The following BMP6 variants were observed in gnomAD, a reference collection of about 807,000 sequenced individuals.
The protein encoded by BMP6 is bone morphogenetic protein 6.
Under a neutral mutation model 54.1 loss-of-function variants are expected in BMP6, and 17 were observed. That is an observed-to-expected ratio of 0.31 (90% CI 0.22 to 0.47). BMP6 has a LOEUF of 0.47. Ranked by LOEUF, BMP6 falls within the 20% of genes least tolerant of loss-of-function variation. BMP6 has a pLI of 1.00. For missense variants in BMP6, 720 were observed against 690.4 expected, an observed-to-expected ratio of 1.04 and a Z score of -0.48; for synonymous variants, 328 against 291.2, an observed-to-expected ratio of 1.13 and a Z score of -1.28.
intron 1 of BMP6, among the ~76,000 whole-genome samples, chr6:7,788,483 G>A (rs1388019606): frequency 2.6e-5 from 4 of 152,130 alleles, no homozygotes; most frequent in African/African-American, 4.8e-5. Flanking sequence ...AACAACGGGG[G>A]ACCCCTCTGT....
intron 1 of BMP6, among the ~76,000 whole-genome samples, chr6:7,822,897 T>TTG (rs56161444): frequency 0.16 from 19,412 of 120,896 alleles, 1,280 homozygotes; most frequent in African/African-American, 0.19. Context: ...TTGGTGCTGG[T>TTG]TGTGTGTGTG....
intron 1 of BMP6, among the ~76,000 whole-genome samples, chr6:7,830,823 G>T (rs13204523): frequency 0.069 from 10,436 of 151,364 alleles, 649 homozygotes; most frequent in African/African-American, 0.17. Flanking sequence ...CCACCCCCAC[G>T]ATTCAACTGT....
At chr6:7,743,579 C>T (rs1028605185) in intron 1 of BMP6, among the ~76,000 whole-genome samples, 12 of 152,170 alleles carry the variant, frequency 7.9e-5, no homozygotes, top group Admixed American at 2.6e-4. Context: ...CATGCATGCT[C>T]TCCCTCCCTC....
chr6:7,825,274 A>G (rs1758677371), intron 1 of BMP6, among the ~76,000 whole-genome samples: 1 of 152,226 alleles, frequency 6.6e-6, no homozygotes, highest in South Asian at 2.1e-4. Flanking sequence ...GCAAGACCCT[A>G]TCTCTAAAAG....
intron 1 of BMP6, among the ~76,000 whole-genome samples, chr6:7,763,040 T>G (rs1757638403): frequency 6.6e-6 from 1 of 152,250 alleles, no homozygotes. Flanking sequence ...TAAACTCCTA[T>G]GCGCCTTTGC....
chr6:7,836,873 C>T lies in BMP6; in HGVS notation c.665-8267C>T, dbSNP rs146964809. On this transcript the variant is annotated intron_variant, in intron 1 of 6. Coordinates refer to ENST00000283147, the MANE Select transcript of BMP6 (RefSeq NM_001718.6). ...AACATGAAAGTCAAAAGGCCGCTGT[C>T]GTTACAACCCTTGGAAGTCCAGCCA... is the stretch of plus-strand genomic sequence containing the variant. Among the ~76,000 whole-genome samples, 253 of 152,314 alleles carry T rather than the reference C, an allele frequency of 1.7e-3. 1 individual carries two copies. The highest frequency in any genetic ancestry group is 5.3e-3 in the African/African-American group (220 of 41,576).
chr6:7,878,604 T>G (rs1418072692), intron 4 of BMP6, among the ~76,000 whole-genome samples: 1 of 152,202 alleles, frequency 6.6e-6, no homozygotes, highest in Non-Finnish European at 1.5e-5. Flanking sequence ...ACTCCACCAT[T>G]ACTCTTCCTT....
chr6:7,727,074 G>A lies in BMP6; in HGVS notation c.119G>A (p.Gly40Glu), dbSNP rs2113094442. The change falls in exon 1 of 7, where the codon GGG becomes GAG. Residue 40 changes from glycine (G) to glutamate (E), a missense_variant. Transcript: ENST00000283147. The stretch of plus-strand genomic sequence containing the variant: ...CCCGCTGCCGCGGCCGCCGCCGCCG[G>A]GGGGCAGCTGCTGGGGGACGGCGGG... Reference protein sequence around the residue: ...PLPAAAAAAAGGQLLGDGGSP... With the variant: ...PLPAAAAAAAEGQLLGDGGSP... 8.0e-7 allele frequency: 1 copy of A among 1,244,260 alleles called. No individual in the cohort carries two copies. Among genetic ancestry groups the A allele is most frequent in the African/African-American group, 1.6e-5 (1 of 63,774 alleles). 77.1% of individuals were successfully genotyped at this position (1,244,260 alleles called of 1,614,324 possible).
intron 1 of BMP6, among the ~76,000 whole-genome samples, chr6:7,758,866 A>G (rs549138681): frequency 6.6e-6 from 1 of 152,170 alleles, no homozygotes; most frequent in Non-Finnish European, 1.5e-5. Flanking sequence ...TCCCTTGTCC[A>G]CGGATGCATT....
At chr6:7,794,315 G>A (rs1336030084) in intron 1 of BMP6, among the ~76,000 whole-genome samples, 2 of 152,152 alleles carry the variant, frequency 1.3e-5, no homozygotes, top group East Asian at 3.8e-4. Context: ...ATGTCTAGTA[G>A]CCCAAATAGA....
intron 2 of BMP6, among the ~76,000 whole-genome samples, chr6:7,846,909 T>C (rs1470929068): frequency 6.6e-6 from 1 of 152,216 alleles, no homozygotes; most frequent in African/African-American, 2.4e-5. Context: ...CTGGTATCTT[T>C]TTGGCTCAGA....
intron 1 of BMP6, among the ~76,000 whole-genome samples, chr6:7,779,499 C>T (rs984226527): frequency 3.9e-5 from 6 of 151,988 alleles, no homozygotes; most frequent in Non-Finnish European, 8.8e-5. Flanking sequence ...CCACCACGCC[C>T]AGGCTAATTT....
In BMP6 at chr6:7,727,596, T is replaced by C. The variant is rs763240116; in HGVS notation, c.641T>C (p.Met214Thr). The stretch of plus-strand genomic sequence containing the variant: ...AGCGCCTTCCTCAACGACGCGGACA[T>C]GGTCATGAGCTTTGTGAACCTGGGT... ...QDSAFLNDAD[M>T]VMSFVNLVEY... Residue 214 changes from methionine to threonine, a missense_variant, in exon 1 of 7, where the codon ATG (methionine) becomes ACG (threonine). Around this residue, in one of 3 missense-constraint regions of BMP6, gnomAD observed 650 missense variants for 556.3 expected, o/e 1.17. Transcript: ENST00000283147. 1 of 1,576,324 alleles carries C rather than the reference T, an allele frequency of 6.3e-7. No individual in the cohort carries two copies.
rs944617183 is a variant in BMP6 at position 7,879,064 on chromosome 6, C to A, written c.1205-10C>A. On this transcript the variant is annotated splice_polypyrimidine_tract_variant and intron_variant, in intron 4 of 6. Transcript: ENST00000283147. ...TTTTGATGGGTGCATCTTTTGATCT[C>A]CTCCAACAGATTACAACAGCAGTGA... 8.1e-6 allele frequency: 13 copies of A among 1,612,834 alleles called. No individual in the cohort carries two copies. The highest frequency in any genetic ancestry group is 1.7e-4 in the Middle Eastern group (1 of 6,054).
intron 1 of BMP6, among the ~76,000 whole-genome samples, chr6:7,818,887 C>T (rs1034002048): frequency 6.6e-6 from 1 of 152,136 alleles, no homozygotes; most frequent in African/African-American, 2.4e-5. Flanking sequence ...CTTTTTGAGC[C>T]AATGATTGCA....
At chr6:7,835,399 A>G (rs1390079735) in intron 1 of BMP6, among the ~76,000 whole-genome samples, 1 of 152,148 alleles carries the variant, frequency 6.6e-6, no homozygotes, top group Non-Finnish European at 1.5e-5. Flanking sequence ...GTGCCCGGCC[A>G]GGAATGCTGA....
chr6:7,866,613 G>A (rs1285285183), intron 4 of BMP6, among the ~76,000 whole-genome samples: 6 of 152,184 alleles, frequency 3.9e-5, no homozygotes, highest in African/African-American at 1.4e-4. Flanking sequence ...AGCAATTTCA[G>A]GTCAGCTGGT....
chr6:7,873,542 G>T (rs1345401110), intron 4 of BMP6, among the ~76,000 whole-genome samples: 4 of 152,094 alleles, frequency 2.6e-5, no homozygotes, highest in Non-Finnish European at 5.9e-5. Context: ...CTGCACAATT[G>T]AATCATTGGT....
At position 7,799,800 on chromosome 6, in the gene BMP6, AAAAC is replaced by A. The variant is rs199517400; in HGVS notation, c.665-45339_665-45336del. On this transcript the variant is annotated intron_variant, in intron 1 of 6. Transcript: ENST00000283147. ...AAAAGCATATTATCATAGAGTCTTTAAAACTTGAAAGGATTTTGATTTTATTCTC... is the reference window on the plus strand; with the variant it reads ...AAAAGCATATTATCATAGAGTCTTTATTGAAAGGATTTTGATTTTATTCTC... Among the ~76,000 whole-genome samples the A allele has an allele frequency of 9.9e-5, 15 of 151,900 alleles. No individual in the cohort carries two copies. In the East Asian group the frequency reaches 2.7e-3, roughly 27 times the overall value.
Sources: allele counts gnomAD v4.1 joint callset (sites outside exome capture counted in the v4.1 genomes callset), GRCh38; gene constraint gnomAD v4.1.1; regional missense constraint gnomAD v4.1.1; transcripts MANE v1.5; gene names NCBI Gene and HGNC (gene_info 2026-07-23, HGNC 2026-07-21).